Variants in GLG1 observed in about 807,000 individuals in gnomAD.
GLG1 encodes golgi glycoprotein 1.
In GLG1, 38 loss-of-function variants were observed where a neutral mutation model predicts 160.5. That is an observed-to-expected ratio of 0.24 (90% CI 0.18 to 0.31). The LOEUF (loss-of-function observed/expected upper bound fraction) is 0.31. Among genes scored for constraint, GLG1 ranks in the 10% least tolerant of loss-of-function variants. GLG1 has a pLI of 1.00. For missense variants in GLG1, 1,373 were observed against 1,505.2 expected (o/e 0.91, Z 1.45); for synonymous variants, 644 against 543.4 (o/e 1.19, Z -2.57).
At chr16:74,571,563 A>G (rs1340614394) in intron 1 of GLG1, among the ~76,000 whole-genome samples, 1 of 152,030 alleles carries the variant, frequency 6.6e-6, no homozygotes, top group South Asian at 2.1e-4. Flanking sequence ...CTGAGGCAAG[A>G]GAATCGCTCG....
At position 74,541,324 on chromosome 16, in the gene GLG1, CA is replaced by C. The variant is rs59761629; in HGVS notation, c.439-9172del. On this transcript the variant is annotated intron_variant, in intron 1 of 25. Coordinates refer to ENST00000422840, the MANE Select transcript of GLG1 (RefSeq NM_001145667.2). ...AGGTAGCAGAGCAAGGCTCTGTCTC[CA>C]AAAAAAAAAAAAAAAAAAAGTCTAA... Among the ~76,000 whole-genome samples, 236 of 71,938 alleles carry C rather than the reference CA, an allele frequency of 3.3e-3. 1 individual carries two copies. The South Asian group carries it at 0.05, about 15-fold the overall frequency. The allele number at this position is 71,938 out of a possible 152,430, so 47.2% of individuals were successfully genotyped here.
intron 4 of GLG1, among the ~76,000 whole-genome samples, chr16:74,501,631 C>T (rs1226702808): frequency 1.3e-5 from 2 of 152,194 alleles, no homozygotes; most frequent in African/African-American, 2.4e-5. Context: ...GACTGAAACG[C>T]TTGGCTTTAC....
chr16:74,501,358 CA>C (rs1181932950), intron 4 of GLG1, among the ~76,000 whole-genome samples: 1 of 152,200 alleles, frequency 6.6e-6, no homozygotes, highest in African/African-American at 2.4e-5. Context: ...ACTGAAATTT[CA>C]CCCAACTGGT....
At chr16:74,550,043 G>A (rs1162720311) in intron 1 of GLG1, among the ~76,000 whole-genome samples, 1 of 152,260 alleles carries the variant, frequency 6.6e-6, no homozygotes, top group East Asian at 1.9e-4. Context: ...CTTGAGCTGG[G>A]GAAAGTTGAG....
chr16:74,477,249 T>A, intron 12 of GLG1, 147 bp downstream of exon 12: 1 of 700,878 alleles, frequency 1.4e-6, no homozygotes. Flanking sequence ...TTCCTGAGAA[T>A]TTCTTCCAGA....
intron 12 of GLG1, among the ~76,000 whole-genome samples, chr16:74,474,917 G>C (rs1468844617): frequency 2.0e-5 from 3 of 152,132 alleles, no homozygotes; most frequent in Non-Finnish European, 4.4e-5. Flanking sequence ...AGCACTTTGG[G>C]AGGCTGAAGT....
In GLG1 at chr16:74,452,257, A is replaced by G; in HGVS notation, c.*910T>C. 6.7e-7 allele frequency: 1 copy of G among 1,500,064 alleles called. No individual in the cohort carries two copies. The allele number at this position is 1,500,064 out of a possible 1,614,324, so 92.9% of individuals were successfully genotyped here. A position where few individuals can be genotyped will look rare whatever the true frequency, so the allele number is the denominator to read the frequency against. On this transcript the variant is annotated 3_prime_UTR_variant, in exon 26 of 26. Transcript: ENST00000422840. ...TCCTGATGAAGCGCAGAGCTTCCAG[A>G]GTGACTGTAGCCTCAGCAGGGCCGG...
intron 2 of GLG1, among the ~76,000 whole-genome samples, chr16:74,512,690 A>G (rs1209229198): frequency 6.6e-6 from 1 of 152,188 alleles, no homozygotes; most frequent in Non-Finnish European, 1.5e-5. Flanking sequence ...AGGAAAAAAA[A>G]AAAAAGACCA....
chr16:74,473,900 C>G (rs566149102), intron 13 of GLG1, among the ~76,000 whole-genome samples: 2 of 152,070 alleles, frequency 1.3e-5, no homozygotes, highest in Non-Finnish European at 2.9e-5. Context: ...GATGAGAGAA[C>G]GGGAATGTGT....
At chr16:74,456,535 G>C (rs2014548273) in intron 25 of GLG1, 114 bp downstream of exon 25, 1 of 722,230 alleles carries the variant, frequency 1.4e-6, no homozygotes, top group South Asian at 1.5e-5. Flanking sequence ...AAAAGAGGCT[G>C]GACAGCCACA....
At chr16:74,541,672 C>G (rs1390816919) in intron 1 of GLG1, among the ~76,000 whole-genome samples, 1 of 152,180 alleles carries the variant, frequency 6.6e-6, no homozygotes, top group Non-Finnish European at 1.5e-5. Context: ...CTTTCATTCT[C>G]TGTATAAAAT....
In GLG1 at chr16:74,452,349, A is replaced by G. The variant is rs2014347014; in HGVS notation, c.*818T>C. ...GTTCCTGGGATCCTGCTGCCCCGGGACTCAGGATCCAGCCTCTCAGTGCAG... is the reference window on the plus strand; with the variant it reads ...GTTCCTGGGATCCTGCTGCCCCGGGGCTCAGGATCCAGCCTCTCAGTGCAG... On this transcript the variant is annotated 3_prime_UTR_variant, in exon 26 of 26. Coordinates refer to ENST00000422840, the MANE Select transcript of GLG1 (RefSeq NM_001145667.2). 2 of 1,373,008 alleles carry G rather than the reference A, an allele frequency of 1.5e-6. No individual in the cohort carries two copies. 85.1% of individuals were successfully genotyped at this position (1,373,008 alleles called of 1,614,324 possible).
At chr16:74,497,537 A>G (rs1333786022) in intron 4 of GLG1, among the ~76,000 whole-genome samples, 1 of 139,290 alleles carries the variant, frequency 7.2e-6, no homozygotes, top group African/African-American at 2.7e-5. Flanking sequence ...TCCCGGGTTC[A>G]CTCTATTCTC....
intron 4 of GLG1, among the ~76,000 whole-genome samples, chr16:74,501,698 A>G (rs938380631): frequency 2.2e-4 from 33 of 152,316 alleles, no homozygotes; most frequent in Admixed American, 2.0e-3. Flanking sequence ...CCTGAAAAGT[A>G]TGTTTGGAAC....
At chr16:74,545,490 C>T (rs896572139) in intron 1 of GLG1, among the ~76,000 whole-genome samples, 2 of 152,200 alleles carry the variant, frequency 1.3e-5, no homozygotes, top group African/African-American at 2.4e-5. Context: ...ACCCACTCCA[C>T]CAAGTTTTCG....
intron 18 of GLG1, among the ~76,000 whole-genome samples, chr16:74,466,085 C>G (rs988626416): frequency 1.3e-5 from 2 of 152,190 alleles, no homozygotes; most frequent in Non-Finnish European, 1.5e-5. Context: ...TTTCTTCTGC[C>G]TTCCAGAGCT....
chr16:74,539,490 T>C (rs2017774638), intron 1 of GLG1, among the ~76,000 whole-genome samples: 1 of 146,616 alleles, frequency 6.8e-6, no homozygotes, highest in African/African-American at 2.5e-5. Flanking sequence ...AGCCCTTTAA[T>C]TCTAATAAAA....
At chr16:74,458,059 T>C in intron 23 of GLG1, 65 bp from the exon 24 acceptor site, 3 of 1,513,224 alleles carry the variant, frequency 2.0e-6, no homozygotes, top group South Asian at 2.3e-5. Flanking sequence ...CTGTTGTCTG[T>C]AAATACTTCA....
intron 4 of GLG1, among the ~76,000 whole-genome samples, chr16:74,500,906 T>G (rs7195930): frequency 0.94 from 143,636 of 152,196 alleles, 67,983 homozygotes; most frequent in East Asian, 1. Context: ...AAATTTATAT[T>G]AACATTTGAA....
Sources: allele counts gnomAD v4.1 joint callset (sites outside exome capture counted in the v4.1 genomes callset), GRCh38; gene constraint gnomAD v4.1.1; transcripts MANE v1.5; gene names NCBI Gene and HGNC (gene_info 2026-07-23, HGNC 2026-07-21).